ATP8B4: variants seen among roughly 807,000 people sequenced by gnomAD.
The protein encoded by ATP8B4 is ATPase phospholipid transporting 8B4 (putative), also known as probable phospholipid-transporting ATPase IM.
A neutral mutation model predicts 145.6 loss-of-function variants in ATP8B4; 133 were observed. The ratio of observed to expected loss-of-function variants is 0.91; its 90% confidence interval spans 0.79 to 1.05. The LOEUF (loss-of-function observed/expected upper bound fraction) is 1.05, where lower values mean the gene tolerates loss of function less well. ATP8B4 is among the 50% of genes least tolerant of loss of function. The pLI is 0.00. For synonymous variants in ATP8B4, 507 were observed against 492.9 expected (o/e 1.03, Z -0.38); for missense variants, 1,458 against 1,425.2 (o/e 1.02, Z -0.37).
intron 1 of ATP8B4, 142 bp from the exon 2 acceptor site, chr15:50,107,150 G>C: frequency 2.0e-6 from 1 of 503,736 alleles, no homozygotes; most frequent in South Asian, 4.1e-5. Flanking sequence ...AATTTATGAG[G>C]CTTTAGTCCA....
At chr15:50,146,452 G>C (rs865858574) in intron 1 of ATP8B4, among the ~76,000 whole-genome samples, 9 of 152,170 alleles carry the variant, frequency 5.9e-5, no homozygotes, top group South Asian at 2.1e-4. Flanking sequence ...CAAGTAACTT[G>C]TGAATGTGAA....
chr15:49,949,172 A>G (rs2042843496), intron 14 of ATP8B4, among the ~76,000 whole-genome samples: 1 of 152,194 alleles, frequency 6.6e-6, no homozygotes, highest in Non-Finnish European at 1.5e-5. Context: ...ATTCCATATG[A>G]AATTTAACAT....
chr15:49,861,037 C>T (rs28706888), intron 27 of ATP8B4, among the ~76,000 whole-genome samples: 8,522 of 93,442 alleles, frequency 0.091, 320 homozygotes, highest in African/African-American at 0.15. Flanking sequence ...CTCTTTCATT[C>T]CCCTGTAAAG....
chr15:49,901,267 A>C, intron 20 of ATP8B4, 28 bp from the exon 21 acceptor site: 2 of 1,607,140 alleles, frequency 1.2e-6, no homozygotes, highest in South Asian at 2.2e-5. Context: ...AAAGTGAAAC[A>C]TAACAAAGCA....
At chr15:50,158,057 C>G (rs1406812068) in intron 1 of ATP8B4, among the ~76,000 whole-genome samples, 1 of 152,238 alleles carries the variant, frequency 6.6e-6, no homozygotes, top group Non-Finnish European at 1.5e-5. Flanking sequence ...TCACTCAGTG[C>G]TCAGTGGTGC....
At chr15:49,993,660 A>G (rs115910510) in intron 9 of ATP8B4, among the ~76,000 whole-genome samples, 3,802 of 152,192 alleles carry the variant, frequency 0.025, 165 homozygotes, top group African/African-American at 0.087. Context: ...TTTTCTTAGA[A>G]ACAGGAAATT....
At chr15:50,118,976 A>G (rs1441455066) in intron 1 of ATP8B4, 147 bp downstream of exon 1, 1 of 152,230 alleles carries the variant, frequency 6.6e-6, no homozygotes, top group African/African-American at 2.4e-5. Flanking sequence ...GGGGAATAAT[A>G]AAGAATATTT....
Position 49,859,954 on chromosome 15 carries a change from A to C in ATP8B4, c.*240T>G. ...TGATTTAAAAAAAAAAAAAATCTGTACTTGTAACAGCGAGTGTTTTGTCCA... is the reference window on the plus strand; with the variant it reads ...TGATTTAAAAAAAAAAAAAATCTGTCCTTGTAACAGCGAGTGTTTTGTCCA... On this transcript the variant is annotated 3_prime_UTR_variant, in exon 28 of 28. Transcript: ENST00000284509. 2.2e-6 allele frequency: 1 copy of C among 459,888 alleles called. No individual in the cohort carries two copies. Among genetic ancestry groups the C allele is most frequent in the Middle Eastern group, 5.7e-4 (1 of 1,760 alleles). 28.5% of individuals were successfully genotyped at this position (459,888 alleles called of 1,614,324 possible). A position where few individuals can be genotyped will look rare whatever the true frequency, so the allele number is the denominator to read the frequency against.
chr15:49,971,235 A>G (rs537478928), intron 13 of ATP8B4, among the ~76,000 whole-genome samples: 1 of 152,364 alleles, frequency 6.6e-6, no homozygotes, highest in South Asian at 2.1e-4. Context: ...CTAAAACACC[A>G]AAAGCAATGG....
At chr15:50,152,557 C>T (rs1403656620) in intron 1 of ATP8B4, among the ~76,000 whole-genome samples, 1 of 152,054 alleles carries the variant, frequency 6.6e-6, no homozygotes, top group Non-Finnish European at 1.5e-5. Context: ...TTGAGGCTCT[C>T]CCAGGGCCTA....
At chr15:49,897,938 G>T in intron 22 of ATP8B4, 130 bp downstream of exon 22, 1 of 1,027,766 alleles carries the variant, frequency 9.7e-7, no homozygotes, top group East Asian at 2.6e-5. Flanking sequence ...ATTGGACCCA[G>T]AAGTATCATT....
chr15:50,135,891 T>G (rs2044115274), intron 1 of ATP8B4, among the ~76,000 whole-genome samples: 1 of 152,210 alleles, frequency 6.6e-6, no homozygotes, highest in South Asian at 2.1e-4. Flanking sequence ...GGTAAACTCA[T>G]ATCTCCCCAA....
At chr15:50,087,234 A>T (rs1202502095) in intron 2 of ATP8B4, among the ~76,000 whole-genome samples, 1 of 133,154 alleles carries the variant, frequency 7.5e-6, no homozygotes, top group Non-Finnish European at 1.5e-5. Context: ...TATATTTATT[A>T]TATATAATAG....
chr15:49,940,432 T>C (rs1004499627), intron 14 of ATP8B4, among the ~76,000 whole-genome samples: 2 of 152,124 alleles, frequency 1.3e-5, no homozygotes, highest in Non-Finnish European at 2.9e-5. Flanking sequence ...GTTGAAGAAC[T>C]ACCTATTCAG....
At chr15:50,131,759 T>C (rs1367230409) in intron 1 of ATP8B4, among the ~76,000 whole-genome samples, 1 of 145,310 alleles carries the variant, frequency 6.9e-6, no homozygotes, top group Non-Finnish European at 1.5e-5. Flanking sequence ...TAATATTATA[T>C]TATACTAATA....
intron 1 of ATP8B4, among the ~76,000 whole-genome samples, chr15:50,167,441 C>A (rs968087992): frequency 6.6e-6 from 1 of 152,142 alleles, no homozygotes; most frequent in African/African-American, 2.4e-5. Context: ...ATCTCTGCCT[C>A]CATCTTCTCA....
At chr15:50,008,043 G>C (rs1452858590) in intron 7 of ATP8B4, among the ~76,000 whole-genome samples, 1 of 152,102 alleles carries the variant, frequency 6.6e-6, no homozygotes, top group Non-Finnish European at 1.5e-5. Flanking sequence ...TAAAGACCAG[G>C]CTTCAGGTCT....
intron 26 of ATP8B4, among the ~76,000 whole-genome samples, chr15:49,865,552 C>T (rs116807363): frequency 0.017 from 2,655 of 152,256 alleles, 33 homozygotes; most frequent in South Asian, 0.042. Flanking sequence ...GAACTTAGCC[C>T]TCAACTTGTA....
chr15:50,138,114 G>A (rs1297349708), intron 1 of ATP8B4, among the ~76,000 whole-genome samples: 1 of 152,146 alleles, frequency 6.6e-6, no homozygotes, highest in Non-Finnish European at 1.5e-5. Context: ...TACCCTGGTG[G>A]TGAGAGGGTA....
Sources: gnomAD v4.1 joint callset for allele counts (sites outside exome capture counted in the v4.1 genomes callset) on GRCh38, gnomAD v4.1.1 for gene constraint, MANE v1.5 for transcripts, NCBI Gene and HGNC (gene_info 2026-07-23, HGNC 2026-07-21) for gene names.